NCKAP5: variants seen among roughly 807,000 people sequenced by gnomAD.
NCKAP5 encodes the protein nck-associated protein 5.
NCKAP5 carries 92 observed loss-of-function variants against 167.0 expected under a neutral mutation model. The observed-to-expected ratio is 0.55, with a 90% CI of 0.47 to 0.66. NCKAP5 has a LOEUF of 0.66. Among genes scored for constraint, NCKAP5 ranks in the 30% least tolerant of loss-of-function variants. The probability of loss-of-function intolerance (pLI) is 0.00; values close to 1 mark genes in which losing one functional copy is unlikely to be tolerated. For missense variants in NCKAP5, 2,378 were observed against 2,315.0 expected, an observed-to-expected ratio of 1.03 and a Z score of -0.56; for synonymous variants, 891 against 877.4, an observed-to-expected ratio of 1.02 and a Z score of -0.27.
At chr2:133,305,184 G>A (rs1241480455) in intron 3 of NCKAP5, among the ~76,000 whole-genome samples, 1 of 152,136 alleles carries the variant, frequency 6.6e-6, no homozygotes, top group East Asian at 1.9e-4. Context: ...AAAGCAGCTT[G>A]GACTTGTCAT....
intron 7 of NCKAP5, among the ~76,000 whole-genome samples, chr2:132,965,051 T>C (rs1044759801): frequency 6.6e-6 from 1 of 152,246 alleles, no homozygotes; most frequent in Admixed American, 6.5e-5. Context: ...TGTATACGTG[T>C]GTGTATATAT....
At chr2:132,925,370 C>T (rs1192425545) in intron 8 of NCKAP5, among the ~76,000 whole-genome samples, 3 of 150,304 alleles carry the variant, frequency 2.0e-5, no homozygotes, top group Admixed American at 6.7e-5. Flanking sequence ...CTGGTTAACA[C>T]GGTGAAACAT....
At chr2:133,471,174 G>T (rs1166688658) in intron 3 of NCKAP5, among the ~76,000 whole-genome samples, 2 of 151,742 alleles carry the variant, frequency 1.3e-5, no homozygotes, top group African/African-American at 4.8e-5. Context: ...TTTTTTCAAA[G>T]GTTAGAGTCC....
At chr2:133,556,964 G>A (rs536052764) in intron 2 of NCKAP5, 36 of 152,290 alleles carry the variant, frequency 2.4e-4, no homozygotes, top group African/African-American at 8.2e-4. Context: ...TTTGGACAAT[G>A]AGACAATGAG....
intron 19 of NCKAP5, among the ~76,000 whole-genome samples, chr2:132,723,977 TCTC>T (rs1690201869): frequency 6.6e-6 from 1 of 152,144 alleles, no homozygotes; most frequent in Non-Finnish European, 1.5e-5. Context: ...TCTGGCCCCT[TCTC>T]ATTTGGCCTC....
chr2:133,040,019 C>A (rs1427335158), intron 6 of NCKAP5, among the ~76,000 whole-genome samples: 5 of 152,070 alleles, frequency 3.3e-5, no homozygotes, highest in Admixed American at 1.3e-4. Flanking sequence ...TCTCCAAACA[C>A]TGATTTTATA....
chr2:133,321,248 C>A (rs1682031799), intron 3 of NCKAP5, among the ~76,000 whole-genome samples: 1 of 152,184 alleles, frequency 6.6e-6, no homozygotes, highest in African/African-American at 2.4e-5. Context: ...CCACCCTCAC[C>A]CAATCTGTGA....
chr2:133,030,234 G>T (rs2078836585), intron 6 of NCKAP5, among the ~76,000 whole-genome samples: 1 of 152,216 alleles, frequency 6.6e-6, no homozygotes, highest in East Asian at 1.9e-4. Context: ...GGGGGTCACA[G>T]GGGCCATCTC....
chr2:133,039,185 G>A (rs2079134032), intron 6 of NCKAP5, among the ~76,000 whole-genome samples: 1 of 152,178 alleles, frequency 6.6e-6, no homozygotes. Context: ...AGAGTGATGG[G>A]TTTTTAAGTG....
At chr2:133,597,306 A>C in the NCKAP5 span, among the ~76,000 whole-genome samples, 10 of 152,322 alleles carry the variant, frequency 6.6e-5, no homozygotes, top group Admixed American at 2.0e-4. Context: ...TGGAGCCAGC[A>C]GTCTGTAGTT....
At chr2:133,006,706 A>G (rs1490469091) in intron 6 of NCKAP5, among the ~76,000 whole-genome samples, 1 of 152,164 alleles carries the variant, frequency 6.6e-6, no homozygotes, top group East Asian at 1.9e-4. Context: ...ATAATGTCCA[A>G]AGCAGCACAG....
chr2:132,748,480 A>G (rs533427085), intron 16 of NCKAP5, among the ~76,000 whole-genome samples: 1 of 152,330 alleles, frequency 6.6e-6, no homozygotes, highest in Non-Finnish European at 1.5e-5. Flanking sequence ...CACTTTTTCT[A>G]TAAATGGAGT....
At chr2:133,005,848 C>T (rs2077947818) in intron 6 of NCKAP5, among the ~76,000 whole-genome samples, 1 of 152,174 alleles carries the variant, frequency 6.6e-6, no homozygotes. Flanking sequence ...CCGTTCTCTT[C>T]TAGAAAACTA....
chr2:132,957,256 C>A (rs1383785672), intron 8 of NCKAP5, among the ~76,000 whole-genome samples: 1 of 152,200 alleles, frequency 6.6e-6, no homozygotes, highest in African/African-American at 2.4e-5. Flanking sequence ...ACCTCACACT[C>A]AGTTGCTAAA....
chr2:133,535,366 G>C (rs1162683794), intron 2 of NCKAP5, among the ~76,000 whole-genome samples: 1 of 151,628 alleles, frequency 6.6e-6, no homozygotes, highest in African/African-American at 2.4e-5. Context: ...TTTAACTCCT[G>C]CTTTTAAGTG....
intron 19 of NCKAP5, among the ~76,000 whole-genome samples, chr2:132,711,604 A>T (rs1688849553): frequency 6.6e-6 from 1 of 152,210 alleles, no homozygotes; most frequent in South Asian, 2.1e-4. Flanking sequence ...GTTACGTATC[A>T]AAGGAATTCT....
chr2:133,031,105 T>A (rs1437900), intron 6 of NCKAP5, among the ~76,000 whole-genome samples: 1 of 152,036 alleles, frequency 6.6e-6, no homozygotes, highest in Non-Finnish European at 1.5e-5. Flanking sequence ...CAACTTCATA[T>A]ACAGAAAAAA....
At chr2:133,047,437 T>C (rs1391980451) in intron 6 of NCKAP5, among the ~76,000 whole-genome samples, 1 of 152,260 alleles carries the variant, frequency 6.6e-6, no homozygotes, top group Non-Finnish European at 1.5e-5. Context: ...AATTTGTATA[T>C]GTCTGAAAAA....
At chr2:133,242,437 G>A (rs184977768) in intron 4 of NCKAP5, among the ~76,000 whole-genome samples, 1 of 152,100 alleles carries the variant, frequency 6.6e-6, no homozygotes, top group Admixed American at 6.5e-5. Context: ...TTCTAAGCAG[G>A]CTTCCAAGAA....
Sources: gnomAD v4.1 joint callset for allele counts (sites outside exome capture counted in the v4.1 genomes callset) on GRCh38, gnomAD v4.1.1 for gene constraint, MANE v1.5 for transcripts, NCBI Gene and HGNC (gene_info 2026-07-23, HGNC 2026-07-21) for gene names.